Variants in PICALM observed in about 807,000 individuals in gnomAD.
PICALM encodes the protein phosphatidylinositol-binding clathrin assembly protein.
PICALM carries 40 observed loss-of-function variants against 80.5 expected under a neutral mutation model. The ratio of observed to expected loss-of-function variants is 0.50; its 90% CI spans 0.39 to 0.65. The LOEUF is 0.65. PICALM is among the 30% of genes least tolerant of loss of function. PICALM has a pLI of 0.00. For missense variants in PICALM, 676 were observed against 778.9 expected, an observed-to-expected ratio of 0.87 and a Z score of 1.57; for synonymous variants, 288 against 260.3, an observed-to-expected ratio of 1.11 and a Z score of -1.02.
At position 85,961,637 on chromosome 11, in the gene PICALM, C is replaced by T. The variant is rs796655031; in HGVS notation, c.1945-2577G>A. 3.9e-4 allele frequency among the ~76,000 whole-genome samples: 59 copies of T among 152,252 alleles called. 1 individual carries two copies. The highest frequency in any genetic ancestry group is 1.3e-3 in the African/African-American group (52 of 41,534). On this transcript the variant is annotated intron_variant, in intron 19 of 19. Coordinates refer to ENST00000393346, the MANE Select transcript of PICALM (RefSeq NM_007166.4). ...TGAGCGTTTCAAACCCGACATGAAC[C>T]TTTTTACTTTGGAACAAGCTTTTAA...
intron 13 of PICALM, among the ~76,000 whole-genome samples, chr11:85,988,910 G>C (rs920294031): frequency 2.0e-5 from 3 of 152,218 alleles, no homozygotes; most frequent in Non-Finnish European, 4.4e-5. Context: ...TGGCTTTTTA[G>C]CCAACACTAT....
intron 1 of PICALM, among the ~76,000 whole-genome samples, chr11:86,057,415 T>C (rs1390339106): frequency 6.6e-6 from 1 of 152,120 alleles, no homozygotes; most frequent in Non-Finnish European, 1.5e-5. Context: ...GGCTCGCGCC[T>C]GTAATCCCAG....
chr11:86,036,612 C>G (rs1306891919), intron 1 of PICALM, among the ~76,000 whole-genome samples: 4 of 152,018 alleles, frequency 2.6e-5, no homozygotes, highest in Non-Finnish European at 4.4e-5. Flanking sequence ...AGCTAAGGGA[C>G]CTAATTCATA....
intron 1 of PICALM, among the ~76,000 whole-genome samples, chr11:86,050,528 T>G (rs1463830817): frequency 6.6e-6 from 1 of 152,208 alleles, no homozygotes; most frequent in Non-Finnish European, 1.5e-5. Context: ...TCATATAATT[T>G]AAGAAACACA....
At chr11:86,031,853 G>C (rs918296769) in intron 1 of PICALM, among the ~76,000 whole-genome samples, 5 of 152,076 alleles carry the variant, frequency 3.3e-5, no homozygotes, top group Non-Finnish European at 4.4e-5. Flanking sequence ...AACTCCCTCA[G>C]GGTATAATTC....
chr11:85,978,694 A>G (rs2094352025), intron 17 of PICALM: 1 of 152,180 alleles, frequency 6.6e-6, no homozygotes, highest in South Asian at 2.1e-4. Flanking sequence ...GAGATGATAC[A>G]CATTACCATA....
At chr11:85,972,467 A>G (rs952381006) in intron 19 of PICALM, among the ~76,000 whole-genome samples, 5 of 152,202 alleles carry the variant, frequency 3.3e-5, no homozygotes, top group African/African-American at 7.2e-5. Context: ...TTCTTTACCT[A>G]TGAAATGTGA....
chr11:86,020,937 A>G (rs1593002147), intron 4 of PICALM, among the ~76,000 whole-genome samples: 1 of 152,236 alleles, frequency 6.6e-6, no homozygotes. Context: ...AACTGAAAAG[A>G]CAAGCCATGG....
At chr11:86,017,142 G>C (rs1036596428) in intron 4 of PICALM, among the ~76,000 whole-genome samples, 8 of 151,758 alleles carry the variant, frequency 5.3e-5, no homozygotes, top group African/African-American at 1.9e-4. Flanking sequence ...AGAATCGCTT[G>C]AATCTGGAAG....
At chr11:85,962,688 A>T (rs1011611473) in intron 19 of PICALM, among the ~76,000 whole-genome samples, 5 of 152,234 alleles carry the variant, frequency 3.3e-5, no homozygotes, top group African/African-American at 9.6e-5. Context: ...TACACGTCTC[A>T]TATCTATAAA....
At chr11:86,061,090 A>C (rs1479929282) in intron 1 of PICALM, among the ~76,000 whole-genome samples, 3 of 152,194 alleles carry the variant, frequency 2.0e-5, no homozygotes, top group Admixed American at 1.3e-4. Flanking sequence ...ACACTTTGGG[A>C]GGCTGAAGCA....
At chr11:85,985,767 A>G (rs11234502) in intron 13 of PICALM, among the ~76,000 whole-genome samples, 32,865 of 152,120 alleles carry the variant, frequency 0.22, 3,925 homozygotes, top group African/African-American at 0.25. Context: ...AGTACAAACA[A>G]TGTTCTTTAA....
intron 3 of PICALM, among the ~76,000 whole-genome samples, chr11:86,024,841 T>G (rs977272090): frequency 6.6e-6 from 1 of 152,204 alleles, no homozygotes; most frequent in African/African-American, 2.4e-5. Context: ...TTCACATTCA[T>G]GTATTGTACC....
At chr11:86,031,383 G>GAGCTGTTTCTGAAGTTTCAGTGAGAGA in intron 2 of PICALM, 86 bp downstream of exon 2, 1 of 1,002,730 alleles carries the variant, frequency 1.0e-6, no homozygotes. Flanking sequence ...TTGTACCTGG[G>GAGCTGTTTCTGAAGTTTCAGTGAGAGA]AGCTGTTTCT....
chr11:86,011,417 G>A (rs978479958), intron 6 of PICALM, among the ~76,000 whole-genome samples: 1 of 152,252 alleles, frequency 6.6e-6, no homozygotes, highest in African/African-American at 2.4e-5. Flanking sequence ...GTGTAAACAC[G>A]TACCACACTT....
chr11:85,993,083 A>G (rs1210473083), intron 12 of PICALM, among the ~76,000 whole-genome samples: 11 of 151,796 alleles, frequency 7.2e-5, no homozygotes, highest in Admixed American at 7.2e-4. Flanking sequence ...GAAATCCCTT[A>G]AAGTTTTTTT....
chr11:85,998,285 A>C (rs1332066396), intron 11 of PICALM, among the ~76,000 whole-genome samples: 7 of 148,174 alleles, frequency 4.7e-5, no homozygotes, highest in African/African-American at 1.7e-4. Context: ...CTAATTTTTT[A>C]TATTTTTAGT....
At chr11:86,040,749 T>A (rs553745020) in intron 1 of PICALM, among the ~76,000 whole-genome samples, 1 of 152,308 alleles carries the variant, frequency 6.6e-6, no homozygotes, top group Non-Finnish European at 1.5e-5. Flanking sequence ...TCCAAAATGC[T>A]TTAAGTGAGA....
chr11:85,969,080 C>G (rs1436031377), intron 19 of PICALM, among the ~76,000 whole-genome samples: 1 of 151,900 alleles, frequency 6.6e-6, no homozygotes, highest in Non-Finnish European at 1.5e-5. Context: ...TGACAATTTC[C>G]TGAAGAATTG....
Sources: allele counts gnomAD v4.1 joint callset (sites outside exome capture counted in the v4.1 genomes callset), GRCh38; gene constraint gnomAD v4.1.1; transcripts MANE v1.5; gene names NCBI Gene and HGNC (gene_info 2026-07-23, HGNC 2026-07-21).